Variants in HNRNPL observed in about 807,000 individuals in gnomAD.
HNRNPL encodes heterogeneous nuclear ribonucleoprotein L.
A neutral mutation model predicts 64.0 loss-of-function variants in HNRNPL; 12 were observed. That is an observed-to-expected ratio of 0.19 (90% CI 0.12 to 0.30). The LOEUF (loss-of-function observed/expected upper bound fraction) is 0.30, where lower values mean the gene tolerates loss of function less well. HNRNPL is among the 10% of genes least tolerant of loss of function. The pLI, the probability that HNRNPL is intolerant of heterozygous loss-of-function variation, is 1.00. For missense variants in HNRNPL, 484 were observed against 797.4 expected (o/e 0.61, Z 4.73); for synonymous variants, 385 against 313.0 (o/e 1.23, Z -2.43).
At chr19:38,848,479 C>G (rs1474061901) in intron 1 of HNRNPL, among the ~76,000 whole-genome samples, 2 of 152,226 alleles carry the variant, frequency 1.3e-5, no homozygotes, top group African/African-American at 4.8e-5. Flanking sequence ...TTACACCCAC[C>G]GACAAAAGCC....
rs1349642532 is a variant in HNRNPL at position 38,846,207 on chromosome 19, T to C, written c.387-117A>G. On this transcript the variant is annotated intron_variant, in intron 2 of 12. Coordinates refer to ENST00000221419, the MANE Select transcript of HNRNPL (RefSeq NM_001533.3). ...GCCTCTGAACTCCTCTGCAACCCTA[T>C]CATGGTTCCCCGACCTGAACACCCT... 13 of 803,350 alleles carry C rather than the reference T, an allele frequency of 1.6e-5. No individual in the cohort carries two copies. In the Admixed American group the frequency reaches 2.0e-4, roughly 12 times the overall value. 49.8% of individuals were successfully genotyped at this position (803,350 alleles called of 1,614,324 possible).
In HNRNPL at chr19:38,847,559, G is replaced by GA. The variant is rs1332181448; in HGVS notation, c.268-126dup. On this transcript the variant is annotated intron_variant, in intron 1 of 12. Transcript: ENST00000221419. Reference sequence around the variant, plus strand: ...GAGGTCATCCGTGAAGGATGCACAGGAAAGACTAGGGGCAGCAATTGAAGC... The same window carrying GA: ...GAGGTCATCCGTGAAGGATGCACAGGAAAAGACTAGGGGCAGCAATTGAAGC... 6.1e-6 allele frequency: 3 copies of GA among 492,818 alleles called. No individual in the cohort carries two copies. In the East Asian group the frequency reaches 9.8e-5, roughly 16 times the overall value. The allele number at this position is 492,818 out of a possible 1,614,324, so 30.5% of individuals were successfully genotyped here.
At chr19:38,837,752 C>T in intron 10 of HNRNPL, 101 bp from the exon 11 acceptor site, 1 of 1,000,750 alleles carries the variant, frequency 1.0e-6, no homozygotes, top group Non-Finnish European at 1.5e-6. Flanking sequence ...TTGAAGTTTT[C>T]AGGAGAAAAG....
rs371799226 is a variant in HNRNPL, at chr19:38,847,507, T to C, written c.268-73A>G. ...GACGCCCCACTGGCCTCTGTACTGT[T>C]GTAGACCCAGTCAGATAAAACAGTT... On this transcript the variant is annotated intron_variant, in intron 1 of 12. Transcript: ENST00000221419. The C allele has an allele frequency of 1.0e-5, 8 of 795,586 alleles. No individual in the cohort carries two copies. The South Asian group carries it at 2.1e-4, about 21-fold the overall frequency. The allele number at this position is 795,586 out of a possible 1,614,324, so 49.3% of individuals were successfully genotyped here.
intron 6 of HNRNPL, 78 bp from the exon 7 acceptor site, chr19:38,840,637 C>T: frequency 8.4e-7 from 1 of 1,185,540 alleles, no homozygotes. Context: ...ACAGGCTGAT[C>T]TGAGCCCCCA....
chr19:38,841,420 G>A (rs1378041130), intron 6 of HNRNPL: 6 of 366,526 alleles, frequency 1.6e-5, no homozygotes, highest in Non-Finnish European at 3.2e-5. Flanking sequence ...CACAAAGCAA[G>A]ACAGTGGCTG....
At chr19:38,847,165 AAAG>A (rs2145433439) in intron 2 of HNRNPL, 148 bp downstream of exon 2, 1 of 495,110 alleles carries the variant, frequency 2.0e-6, no homozygotes, top group African/African-American at 2.0e-5. Flanking sequence ...AATCTGACAC[AAAG>A]TACAATGGCC....
At chr19:38,842,496 C>T (rs1972150293) in intron 6 of HNRNPL, among the ~76,000 whole-genome samples, 1 of 152,018 alleles carries the variant, frequency 6.6e-6, no homozygotes, top group South Asian at 2.1e-4. Context: ...TCTCTGTATG[C>T]CTCTGTCTCT....
rs772881966 is a variant in HNRNPL at position 38,849,904 on chromosome 19, C to T, written c.63G>A (p.Gln21=). The change falls in exon 1 of 13, where the codon CAG becomes CAA. Residue 21 remains glutamine, a synonymous_variant. Transcript: ENST00000221419. ...KRRRRLEQRQ[Q]PDEQRRRSGA... is the part of the protein sequence containing the mutation. ...CCGACCGCCTCCGCTGCTCGTCCGG[C>T]TGCTGCCTCTGCTCCAGCCGCCGAC... The T allele has an allele frequency of 1.5e-5, 19 of 1,268,254 alleles. No homozygotes were observed. The highest frequency in any genetic ancestry group is 2.0e-5 in the Non-Finnish European group (18 of 908,178). 78.6% of individuals were successfully genotyped at this position (1,268,254 alleles called of 1,614,324 possible).
Position 38,840,721 on chromosome 19 carries a change from C to G in HNRNPL, c.881-162G>C, listed in dbSNP as rs1600054286. On this transcript the variant is annotated intron_variant, in intron 6 of 12. Transcript: ENST00000221419. Reference sequence around the variant, plus strand: ...CTTTTGTGATCTGACCTACGGCGGGCATGAAGCCCGAGCCTCAAAGCTGGT... The same window carrying G: ...CTTTTGTGATCTGACCTACGGCGGGGATGAAGCCCGAGCCTCAAAGCTGGT... The G allele has an allele frequency of 4.7e-6, 3 of 645,042 alleles. No individual in the cohort carries two copies. The South Asian group carries it at 5.5e-5, about 12-fold the overall frequency. The allele number at this position is 645,042 out of a possible 1,614,324, so 40.0% of individuals were successfully genotyped here. A position where few individuals can be genotyped will look rare whatever the true frequency, so the allele number is the denominator to read the frequency against.
At chr19:38,837,527 AG>A (rs767765283) in intron 11 of HNRNPL, 48 bp from the exon 12 acceptor site, 4 of 1,611,890 alleles carry the variant, frequency 2.5e-6, no homozygotes, top group East Asian at 2.2e-5. Context: ...CTCACCCAAT[AG>A]GAACTAGGCA....
In HNRNPL at chr19:38,838,883, T is replaced by C; in HGVS notation, c.1355+11A>G. The C allele has an allele frequency of 6.2e-7, 1 of 1,614,112 alleles. No individual in the cohort carries two copies. The highest frequency in any genetic ancestry group is 8.5e-7 in the Non-Finnish European group (1 of 1,180,024). ...TGTACCTCTGCTGCCCTCCCGAGCCTGAGCACCTACCAGACATTCAGCTTC... is the reference window on the plus strand; with the variant it reads ...TGTACCTCTGCTGCCCTCCCGAGCCCGAGCACCTACCAGACATTCAGCTTC... On this transcript the variant is annotated intron_variant, in intron 9 of 12. Coordinates refer to ENST00000221419, the MANE Select transcript of HNRNPL (RefSeq NM_001533.3).
Position 38,849,913 on chromosome 19 carries a change from C to G in HNRNPL, c.54G>C (p.Gln18His), listed in dbSNP as rs764490784. 7.6e-7 allele frequency: 1 copy of G among 1,307,952 alleles called. No homozygotes were observed. The highest frequency in any genetic ancestry group is 2.1e-5 in the Admixed American group (1 of 48,262). 81.0% of individuals were successfully genotyped at this position (1,307,952 alleles called of 1,614,324 possible). Residue 18 changes from glutamine to histidine, a missense_variant, in exon 1 of 13, where the codon CAG becomes CAC. By Grantham distance (24) the Gln-to-His change is conservative. This residue lies in a region of HNRNPL where 190 missense variants were observed against 160.1 expected (regional missense o/e 1.19). Coordinates refer to ENST00000221419, the MANE Select transcript of HNRNPL (RefSeq NM_001533.3). ...RAEKRRRRLE[Q>H]RQQPDEQRRR... The stretch of plus-strand genomic sequence containing the variant: ...TCCGCTGCTCGTCCGGCTGCTGCCT[C>G]TGCTCCAGCCGCCGACGCCGCTTCT...
upstream of HNRNPL, among the ~76,000 whole-genome samples, chr19:38,851,929 G>C (rs547450996): frequency 6.6e-6 from 1 of 151,994 alleles, no homozygotes; most frequent in African/African-American, 2.4e-5. Context: ...GCGGGGCCGC[G>C]TCTGAAGCAC....
intron 4 of HNRNPL, among the ~76,000 whole-genome samples, chr19:38,844,509 C>T (rs1038920664): frequency 6.6e-6 from 1 of 152,144 alleles, no homozygotes; most frequent in Non-Finnish European, 1.5e-5. Context: ...GTCTAGGATG[C>T]CCTAAAAGCT....
chr19:38,839,329 T>A (rs963179400), intron 8 of HNRNPL: 1 of 335,544 alleles, frequency 3.0e-6, no homozygotes, highest in Middle Eastern at 1.0e-3. Context: ...CAGACGTGTG[T>A]GATCTATGGA....
chr19:38,848,213 C>T (rs1972367044), intron 1 of HNRNPL, among the ~76,000 whole-genome samples: 1 of 152,198 alleles, frequency 6.6e-6, no homozygotes, highest in Non-Finnish European at 1.5e-5. Flanking sequence ...GCCTCAGCCT[C>T]CCGAGTAGCT....
At chr19:38,851,060 G>A (rs1485920483), upstream of HNRNPL, 3 of 152,452 alleles carry the variant, frequency 2.0e-5, no homozygotes. Context: ...CGGGCCAGTG[G>A]TTTTCACCTG....
chr19:38,838,298 A>G, intron 10 of HNRNPL, 99 bp downstream of exon 10: 2 of 949,022 alleles, frequency 2.1e-6, no homozygotes, highest in Non-Finnish European at 3.3e-6. Context: ...CAGGCAGGAC[A>G]GGAGTTCAAC....
Sources: allele counts gnomAD v4.1 joint callset (sites outside exome capture counted in the v4.1 genomes callset), GRCh38; gene constraint gnomAD v4.1.1; regional missense constraint gnomAD v4.1.1; transcripts MANE v1.5; gene names NCBI Gene and HGNC (gene_info 2026-07-23, HGNC 2026-07-21).